The following SPTB variants were observed in gnomAD, a reference collection of about 807,000 sequenced individuals.
The protein encoded by SPTB is spectrin beta chain, erythrocytic.
Under a neutral mutation model 256.2 loss-of-function variants are expected in SPTB, and 45 were observed. That is an observed-to-expected ratio of 0.18 (90% CI 0.14 to 0.23). The LOEUF is 0.23. SPTB is among the 10% of genes least tolerant of loss of function. The pLI, the probability that SPTB is intolerant of heterozygous loss-of-function variation, is 1.00. For synonymous variants in SPTB, 1,231 were observed against 1,243.1 expected (o/e 0.99, Z 0.21); for missense variants, 2,715 against 3,040.4 (o/e 0.89, Z 2.52).
chr14:64,769,832 A>G, intron 27 of SPTB, 104 bp from the exon 28 acceptor site: 1 of 1,501,886 alleles, frequency 6.7e-7, no homozygotes, highest in Non-Finnish European at 9.2e-7. Flanking sequence ...TGGGAGTGTG[A>G]CCGTGCTCCC....
intron 15 of SPTB, among the ~76,000 whole-genome samples, chr14:64,789,723 A>C (rs553328931): frequency 1.1e-4 from 17 of 152,376 alleles, no homozygotes; most frequent in Non-Finnish European, 2.2e-4. Context: ...ATAGTCTAGC[A>C]GGAAAGTCCT....
intron 1 of SPTB, among the ~76,000 whole-genome samples, chr14:64,829,274 C>A (rs1395438850): frequency 6.6e-6 from 1 of 152,218 alleles, no homozygotes; most frequent in East Asian, 1.9e-4. Context: ...GTAGGGCATT[C>A]TGCAGACAAC....
At position 64,802,232 on chromosome 14, in the gene SPTB, G is replaced by A. The variant is rs184200762; in HGVS notation, c.560C>T (p.Thr187Met). Residue 187 changes from threonine to methionine, a missense_variant, in exon 5 of 36, where the codon ACG (threonine) becomes ATG (methionine). Around this residue, in one of 4 missense-constraint regions of SPTB, gnomAD observed 416 missense variants for 571.1 expected, o/e 0.73. Transcript: ENST00000644917. This position sits in a 1 kb window ranked among gnomAD's most constrained non-coding sequence, Gnocchi z 5.1. ...GCTGGTTCCCAGGGCATACCCTGCC[G>A]TCTTCATCTGACACCACAACAGCAA... ...DALLLWCQMK[T>M]AGYPHVNVTN... 7.6e-5 allele frequency: 123 copies of A among 1,614,234 alleles called. No homozygotes were observed. The highest frequency in any genetic ancestry group is 7.4e-4 in the South Asian group (67 of 91,090).
At chr14:64,783,409 C>G (rs555484683) in intron 19 of SPTB, among the ~76,000 whole-genome samples, 114 of 152,252 alleles carry the variant, frequency 7.5e-4, no homozygotes, top group Non-Finnish European at 1.4e-3. Flanking sequence ...GCCATGTTGG[C>G]TAGGCTGGTC....
chr14:64,803,139 A>T lies in SPTB; in HGVS notation c.474+468T>A, dbSNP rs370842182. On this transcript the variant is annotated intron_variant, in intron 4 of 35. Coordinates refer to ENST00000644917, the MANE Select transcript of SPTB (RefSeq NM_001355436.2). ...CTGTCCCCAAACCAGCAGGTGCAAGACCCTGTTTTCCTCCCCTTCCCCTTT... is the reference window on the plus strand; with the variant it reads ...CTGTCCCCAAACCAGCAGGTGCAAGTCCCTGTTTTCCTCCCCTTCCCCTTT... 1.4e-4 allele frequency among the ~76,000 whole-genome samples: 22 copies of T among 152,172 alleles called. No homozygotes were observed. In the East Asian group the frequency reaches 2.9e-3, roughly 20 times the overall value.
chr14:64,797,172 C>A (rs2082786053), intron 10 of SPTB, among the ~76,000 whole-genome samples: 1 of 151,944 alleles, frequency 6.6e-6, no homozygotes, highest in Non-Finnish European at 1.5e-5. Context: ...AAAACTGGCT[C>A]CAAAAAAATG....
chr14:64,747,793 G>C lies in SPTB; in HGVS notation c.*1513C>G, dbSNP rs1224201490. ...GTTTCCTTGGGGGAAAATGCCTGCT[G>C]CCCTCCGCCCTCCCCCCCACCCCCG... On this transcript the variant is annotated 3_prime_UTR_variant, in exon 36 of 36. Transcript: ENST00000644917. The C allele has an allele frequency of 6.6e-6, 1 of 151,576 alleles. No homozygotes were observed. The highest frequency in any genetic ancestry group is 1.5e-5 in the Non-Finnish European group (1 of 68,060). The allele number at this position is 151,576 out of a possible 1,614,324, so 9.4% of individuals were successfully genotyped here. A position where few individuals can be genotyped will look rare whatever the true frequency, so the allele number is the denominator to read the frequency against.
chr14:64,865,994 G>C (rs1340912252), intron 1 of SPTB, among the ~76,000 whole-genome samples: 2 of 152,226 alleles, frequency 1.3e-5, no homozygotes, highest in East Asian at 3.8e-4. Context: ...GAAAGGCAGA[G>C]CCTGCTCTAC....
At chr14:64,791,980 G>T in intron 14 of SPTB, 124 bp from the exon 15 acceptor site, 5 of 1,318,044 alleles carry the variant, frequency 3.8e-6, no homozygotes, top group Non-Finnish European at 5.3e-6. Flanking sequence ...TAAACCATTT[G>T]CCCAGGTGAG....
chr14:64,812,122 T>C (rs955187304), intron 2 of SPTB, among the ~76,000 whole-genome samples: 2 of 152,240 alleles, frequency 1.3e-5, no homozygotes, highest in East Asian at 3.8e-4. Context: ...CTAATTTTTG[T>C]ATTTTTAGTA....
Position 64,803,572 on chromosome 14 carries a change from G to A in SPTB, c.474+35C>T, listed in dbSNP as rs781776807. 1.9e-6 allele frequency: 3 copies of A among 1,612,870 alleles called. No individual in the cohort carries two copies. In the African/African-American group the frequency reaches 4.0e-5, roughly 22 times the overall value. On this transcript the variant is annotated intron_variant, in intron 4 of 35. Coordinates refer to ENST00000644917, the MANE Select transcript of SPTB (RefSeq NM_001355436.2). The stretch of plus-strand genomic sequence containing the variant: ...TCTAAGGCCCTGGGCAGCCTTGAGG[G>A]CTCCCTCGACTTCCTCTACCCCCCA...
chr14:64,822,962 T>A lies in SPTB; in HGVS notation c.133A>T (p.Ile45Leu), dbSNP rs768103906. ...CAAACAGTACCTGCCAAGGCCTTTA[T>A]CCGGGACCTCTCAAAGAGCCTGGCT... ...SSARLFERSR[I>L]KALADEREVV... is the part of the protein sequence containing the mutation. The change falls in exon 2 of 36, where the codon ATA becomes TTA. Residue 45 changes from isoleucine to leucine, a missense_variant. By Grantham distance (5) the Ile-to-Leu change is conservative. Transcript: ENST00000644917. 6.2e-7 allele frequency: 1 copy of A among 1,613,660 alleles called. No individual in the cohort carries two copies. The highest frequency in any genetic ancestry group is 8.5e-7 in the Non-Finnish European group (1 of 1,180,044).
intron 12 of SPTB, among the ~76,000 whole-genome samples, chr14:64,794,826 T>G (rs1043447852): frequency 2.6e-5 from 4 of 152,196 alleles, no homozygotes; most frequent in African/African-American, 9.7e-5. Context: ...TAGAACATCT[T>G]ACAGATGCTC....
At chr14:64,868,691 G>C (rs995905160) in intron 1 of SPTB, among the ~76,000 whole-genome samples, 5 of 152,220 alleles carry the variant, frequency 3.3e-5, no homozygotes, top group African/African-American at 9.6e-5. Context: ...AGAGGGCAGA[G>C]GTTCAATGGG....
At chr14:64,782,223 A>G in intron 20 of SPTB, 67 bp downstream of exon 20, 1 of 1,608,846 alleles carries the variant, frequency 6.2e-7, no homozygotes, top group Non-Finnish European at 8.5e-7. Context: ...TTAAAAATAA[A>G]GGTGTCAGAC....
At chr14:64,846,165 C>T (rs1381757563) in intron 1 of SPTB, among the ~76,000 whole-genome samples, 1 of 152,182 alleles carries the variant, frequency 6.6e-6, no homozygotes, top group Non-Finnish European at 1.5e-5. Context: ...ATTCCCTTCT[C>T]CCTACACACA....
At chr14:64,832,030 C>T (rs983628218) in intron 1 of SPTB, among the ~76,000 whole-genome samples, 5 of 152,156 alleles carry the variant, frequency 3.3e-5, no homozygotes, top group African/African-American at 9.7e-5. Context: ...AATCCATCAA[C>T]CAACCACAGA....
intron 1 of SPTB, among the ~76,000 whole-genome samples, chr14:64,862,882 A>AAAG (rs397719098): frequency 6.7e-6 from 1 of 149,832 alleles, no homozygotes; most frequent in Admixed American, 6.6e-5. Context: ...ACAAAAAAAA[A>AAAG]CCACACCCCA....
At chr14:64,812,648 C>T (rs1234805711) in intron 2 of SPTB, among the ~76,000 whole-genome samples, 1 of 152,058 alleles carries the variant, frequency 6.6e-6, no homozygotes, top group Non-Finnish European at 1.5e-5. Context: ...GTGAGCAGCA[C>T]ACCAGCTGCC....
Sources: allele counts gnomAD v4.1 joint callset (sites outside exome capture counted in the v4.1 genomes callset), GRCh38; gene constraint gnomAD v4.1.1; regional missense constraint gnomAD v4.1.1; non-coding constraint Gnocchi (gnomAD v3.1); transcripts MANE v1.5; gene names NCBI Gene and HGNC (gene_info 2026-07-23, HGNC 2026-07-21).